Variants in ANKRD13A observed in about 807,000 individuals in gnomAD.
ANKRD13A encodes ankyrin repeat domain-containing protein 13A.
Under a neutral mutation model 81.3 loss-of-function variants are expected in ANKRD13A, and 48 were observed. That is an observed-to-expected ratio of 0.59 (90% CI 0.47 to 0.75). The LOEUF (loss-of-function observed/expected upper bound fraction) is 0.75, where lower values mean the gene tolerates loss of function less well. Ranked by LOEUF, ANKRD13A falls within the 30% of genes least tolerant of loss-of-function variation. The pLI, the probability that ANKRD13A is intolerant of heterozygous loss-of-function variation, is 0.00. For synonymous variants in ANKRD13A, 230 were observed against 270.1 expected (o/e 0.85, Z 1.45); for missense variants, 612 against 734.0 (o/e 0.83, Z 1.92).
intron 13 of ANKRD13A, among the ~76,000 whole-genome samples, chr12:110,035,964 C>G (rs1431611055): frequency 6.6e-6 from 1 of 152,108 alleles, no homozygotes; most frequent in Admixed American, 6.6e-5. Context: ...CCAAGGTCAG[C>G]TGTGTTTTTG....
At chr12:110,025,696 G>A in intron 7 of ANKRD13A, 46 bp from the exon 8 acceptor site, 2 of 1,480,784 alleles carry the variant, frequency 1.4e-6, no homozygotes, top group Non-Finnish European at 1.9e-6. Flanking sequence ...TACTTTTGGA[G>A]TTTTGATTCC....
chr12:110,025,407 G>GT (rs1891268174), intron 7 of ANKRD13A, among the ~76,000 whole-genome samples: 1 of 151,790 alleles, frequency 6.6e-6, no homozygotes, highest in Non-Finnish European at 1.5e-5. Flanking sequence ...CCTGGTTTGG[G>GT]TACCTTAGTT....
At chr12:110,013,093 T>C (rs747326053) in intron 2 of ANKRD13A, 32 bp from the exon 3 acceptor site, 2 of 1,611,584 alleles carry the variant, frequency 1.2e-6, no homozygotes, top group Middle Eastern at 3.3e-4. Flanking sequence ...TCAGAAAGTA[T>C]GAGAATTAAA....
In ANKRD13A at chr12:109,999,489, C is replaced by T. The variant is rs1889820905; in HGVS notation, c.-200C>T. On this transcript the variant is annotated 5_prime_UTR_variant, in exon 1 of 15. Coordinates refer to ENST00000261739, the MANE Select transcript of ANKRD13A (RefSeq NM_033121.2). This position sits in a 1 kb window ranked among gnomAD's most constrained non-coding sequence, Gnocchi z 4.3. ...AACGCCGCGGGGCGCGGGGTGGGCG[C>T]GGCCGACCTGGTCCCTGAGCCGGCC... 1 of 282,100 alleles carries T rather than the reference C, an allele frequency of 3.5e-6. No individual in the cohort carries two copies. The highest frequency in any genetic ancestry group is 6.5e-6 in the Non-Finnish European group (1 of 153,398). 17.5% of individuals were successfully genotyped at this position (282,100 alleles called of 1,614,324 possible). A position where few individuals can be genotyped will look rare whatever the true frequency, so the allele number is the denominator to read the frequency against.
At chr12:110,025,964 C>CTTTT (rs748271339) in intron 8 of ANKRD13A, 141 bp downstream of exon 8, 5 of 505,472 alleles carry the variant, frequency 9.9e-6, no homozygotes, top group Non-Finnish European at 1.0e-5. Flanking sequence ...CTCTCTCTCT[C>CTTTT]TTTTTTTTTT....
chr12:110,033,524 T>C (rs2137181495), intron 12 of ANKRD13A, among the ~76,000 whole-genome samples: 1 of 152,268 alleles, frequency 6.6e-6, no homozygotes, highest in East Asian at 1.9e-4. Flanking sequence ...TGTGCGTATA[T>C]GTTTAGGGGG....
In ANKRD13A at chr12:110,036,907, T is replaced by C. The variant is rs553387536; in HGVS notation, c.1578-452T>C. Among the ~76,000 whole-genome samples the C allele has an allele frequency of 2.0e-5, 3 of 152,270 alleles. No homozygotes were observed. In the South Asian group the frequency reaches 6.2e-4, roughly 32 times the overall value. ...CATTGGGGGAAACGTACTGAGTCAGTTTTTTCTGATTGGTTTGATCTTCTA... is the reference window on the plus strand; with the variant it reads ...CATTGGGGGAAACGTACTGAGTCAGCTTTTTCTGATTGGTTTGATCTTCTA... On this transcript the variant is annotated intron_variant, in intron 14 of 14. Coordinates refer to ENST00000261739, the MANE Select transcript of ANKRD13A (RefSeq NM_033121.2). The surrounding 1 kb of genome is among the most constrained non-coding windows in gnomAD (Gnocchi z 4.6).
chr12:110,035,550 A>G (rs950728936), intron 13 of ANKRD13A, among the ~76,000 whole-genome samples: 1 of 152,016 alleles, frequency 6.6e-6, no homozygotes, highest in African/African-American at 2.4e-5. Flanking sequence ...CCCAGGTTCA[A>G]GTGATTCTCA....
chr12:110,008,214 A>T (rs1368219865), intron 1 of ANKRD13A, among the ~76,000 whole-genome samples: 1 of 152,000 alleles, frequency 6.6e-6, no homozygotes, highest in Non-Finnish European at 1.5e-5. Flanking sequence ...TCATGAAGGG[A>T]TGTTGGAGTT....
At chr12:110,020,985 G>A in intron 6 of ANKRD13A, 1 of 348,144 alleles carries the variant, frequency 2.9e-6, no homozygotes. Context: ...GTTTGTTGAA[G>A]TGCGATTTGT....
intron 13 of ANKRD13A, among the ~76,000 whole-genome samples, chr12:110,035,031 C>T (rs1891941686): frequency 1.3e-5 from 2 of 152,170 alleles, no homozygotes; most frequent in South Asian, 2.1e-4. Context: ...CTACCTCCTC[C>T]ACTTCCCCCT....
chr12:110,029,728 G>C, intron 11 of ANKRD13A, 93 bp downstream of exon 11: 1 of 1,447,840 alleles, frequency 6.9e-7, no homozygotes, highest in East Asian at 2.3e-5. Flanking sequence ...GGGAATTGGA[G>C]TGCTTTAGGT....
chr12:110,000,098 C>T (rs562642123), intron 1 of ANKRD13A, among the ~76,000 whole-genome samples: 8 of 152,278 alleles, frequency 5.3e-5, no homozygotes, highest in African/African-American at 1.4e-4. Context: ...TGATAAATGC[C>T]AAGTCGGGAT....
At chr12:110,016,149 A>G (rs907323542) in intron 3 of ANKRD13A, among the ~76,000 whole-genome samples, 2 of 151,102 alleles carry the variant, frequency 1.3e-5, no homozygotes, top group African/African-American at 4.9e-5. Flanking sequence ...GGGTTTTGCC[A>G]TGCTGCCCAG....
intron 4 of ANKRD13A, 73 bp downstream of exon 4, chr12:110,016,506 TTTG>T: frequency 7.2e-7 from 1 of 1,388,312 alleles, no homozygotes; most frequent in East Asian, 2.3e-5. Context: ...TTATTTTTCC[TTTG>T]TAAAAGTTAC....
intron 1 of ANKRD13A, among the ~76,000 whole-genome samples, chr12:110,006,885 T>A (rs1890268759): frequency 6.6e-6 from 1 of 152,178 alleles, no homozygotes; most frequent in South Asian, 2.1e-4. Context: ...GATGAGCCAA[T>A]GAGCTCAGCC....
At chr12:110,007,962 C>T (rs904823760) in intron 1 of ANKRD13A, among the ~76,000 whole-genome samples, 6 of 152,152 alleles carry the variant, frequency 3.9e-5, no homozygotes, top group Non-Finnish European at 8.8e-5. Context: ...TGTCATCTTC[C>T]TTTCCATTCT....
chr12:110,007,737 A>G (rs1347160024), intron 1 of ANKRD13A, among the ~76,000 whole-genome samples: 1 of 152,110 alleles, frequency 6.6e-6, no homozygotes, highest in Non-Finnish European at 1.5e-5. Context: ...TGTAAGTTTT[A>G]TATTTATTGT....
intron 10 of ANKRD13A, 99 bp downstream of exon 10, chr12:110,028,741 C>T (rs1593225332): frequency 6.6e-7 from 1 of 1,517,088 alleles, no homozygotes; most frequent in Admixed American, 1.9e-5. Flanking sequence ...CTCCCCACCA[C>T]CCTTATTTTT....
Sources: allele counts gnomAD v4.1 joint callset (sites outside exome capture counted in the v4.1 genomes callset), GRCh38; gene constraint gnomAD v4.1.1; non-coding constraint Gnocchi (gnomAD v3.1); transcripts MANE v1.5; gene names NCBI Gene and HGNC (gene_info 2026-07-23, HGNC 2026-07-21).